Variants in C12orf76 observed in about 807,000 individuals in gnomAD.
The protein encoded by C12orf76 is uncharacterized protein C12orf76.
C12orf76 carries 6 observed loss-of-function variants against 6.8 expected under a neutral mutation model. That is an observed-to-expected ratio of 0.88 (90% CI 0.48 to 1.73). The LOEUF (loss-of-function observed/expected upper bound fraction) is 1.73. Among genes scored for constraint, C12orf76 ranks in the 40% most tolerant of loss-of-function variants. The probability of loss-of-function intolerance (pLI) is 0.01; values close to 1 mark genes in which losing one functional copy is unlikely to be tolerated. For missense variants in C12orf76, 99 were observed against 98.2 expected (o/e 1.01, Z -0.03); for synonymous variants, 56 against 43.7 (o/e 1.28, Z -1.11).
intron 2 of C12orf76, among the ~76,000 whole-genome samples, chr12:110,061,935 C>G (rs11837014): frequency 1.3e-5 from 2 of 152,078 alleles, no homozygotes; most frequent in African/African-American, 4.8e-5. Context: ...GGACAAGTGA[C>G]TTAACCTTTC....
At position 110,054,497 on chromosome 12, in the gene C12orf76, T is replaced by C. The variant is rs1403274164; in HGVS notation, n.664+2692A>G. On this transcript the variant is annotated intron_variant and non_coding_transcript_variant, in intron 4 of 4. Transcript: ENST00000309050. The surrounding 1 kb of genome is among the most constrained non-coding windows in gnomAD (Gnocchi z 4.4). ...CTCCATTTATATGAAATACCCAGAA[T>C]AGGTAAATCCATAGAGACAGAGAGT... Among the ~76,000 whole-genome samples the C allele has an allele frequency of 1.3e-5, 2 of 152,200 alleles. No individual in the cohort carries two copies. Among genetic ancestry groups the C allele is most frequent in the South Asian group, 2.1e-4 (1 of 4,820 alleles).
chr12:110,070,318 C>T (rs1348778350), upstream of C12orf76, among the ~76,000 whole-genome samples: 2 of 151,958 alleles, frequency 1.3e-5, no homozygotes, highest in Admixed American at 6.6e-5. Flanking sequence ...AATCCCAGCA[C>T]TTTGGGAGGC....
At chr12:110,058,311 T>A (rs530092653) in intron 3 of C12orf76, among the ~76,000 whole-genome samples, 2 of 152,152 alleles carry the variant, frequency 1.3e-5, no homozygotes, top group African/African-American at 4.8e-5. Context: ...TAAAGATAGA[T>A]CTATGATACA....
At chr12:110,063,246 TTTTAA>T (rs1288097765) in intron 2 of C12orf76, among the ~76,000 whole-genome samples, 5 of 152,002 alleles carry the variant, frequency 3.3e-5, no homozygotes, top group African/African-American at 1.2e-4. Context: ...AGCCCCCCTT[TTTTAA>T]TTTAATTTTT....
At chr12:110,058,719 A>G (rs1027288973) in intron 3 of C12orf76, among the ~76,000 whole-genome samples, 2 of 152,350 alleles carry the variant, frequency 1.3e-5, no homozygotes, top group African/African-American at 4.8e-5. Flanking sequence ...GGCCATAGCT[A>G]TAGAATACAG....
chr12:110,059,909 G>T (rs1892740808), intron 2 of C12orf76, among the ~76,000 whole-genome samples: 1 of 152,206 alleles, frequency 6.6e-6, no homozygotes. Flanking sequence ...TTCTCAGGAA[G>T]AAAAGTGACA....
chr12:110,061,549 T>TC (rs1892772136), intron 2 of C12orf76, among the ~76,000 whole-genome samples: 1 of 151,820 alleles, frequency 6.6e-6, no homozygotes. Flanking sequence ...TTTTTTTTTT[T>TC]TTCTTGAAAC....
At chr12:110,046,195 C>T (rs1195743026) in intron 1 of C12orf76, among the ~76,000 whole-genome samples, 7 of 151,882 alleles carry the variant, frequency 4.6e-5, no homozygotes, top group African/African-American at 1.5e-4. Context: ...TGGGAGGCCA[C>T]AGTGGGCAGT....
upstream of C12orf76, among the ~76,000 whole-genome samples, chr12:110,072,584 G>T (rs1892972037): frequency 6.6e-6 from 1 of 151,126 alleles, no homozygotes; most frequent in South Asian, 2.1e-4. Flanking sequence ...CCATTAAATT[G>T]TACCCTTAAA....
At chr12:110,064,514 C>T (rs1892826854) in intron 2 of C12orf76, among the ~76,000 whole-genome samples, 2 of 152,196 alleles carry the variant, frequency 1.3e-5, no homozygotes, top group South Asian at 4.1e-4. Flanking sequence ...CTCAGCAGCA[C>T]TCAGTAGCTG....
chr12:110,070,197 C>T (rs974346971), upstream of C12orf76, among the ~76,000 whole-genome samples: 1 of 149,712 alleles, frequency 6.7e-6, no homozygotes, highest in African/African-American at 2.5e-5. Flanking sequence ...AAGATCATGC[C>T]ATTGCACTCC....
chr12:110,061,580 A>G (rs1015840089), intron 2 of C12orf76, among the ~76,000 whole-genome samples: 6 of 148,872 alleles, frequency 4.0e-5, no homozygotes, highest in Non-Finnish European at 1.5e-5. Context: ...TCTGTCACCC[A>G]GGCTGGAGTG....
upstream of C12orf76, among the ~76,000 whole-genome samples, chr12:110,068,780 C>T (rs1420776634): frequency 6.6e-6 from 1 of 152,202 alleles, no homozygotes; most frequent in Non-Finnish European, 1.5e-5. Context: ...CTGGCCAAAA[C>T]CTGCCACTTG....
At chr12:110,059,810 CAT>C (rs1892739679) in intron 2 of C12orf76, among the ~76,000 whole-genome samples, 1 of 152,072 alleles carries the variant, frequency 6.6e-6, no homozygotes, top group South Asian at 2.1e-4. Context: ...AGAGGAGAGA[CAT>C]AGTAGCAGTG....
chr12:110,070,025 G>A (rs1052536452), upstream of C12orf76, among the ~76,000 whole-genome samples: 21 of 152,052 alleles, frequency 1.4e-4, no homozygotes, highest in African/African-American at 4.3e-4. Flanking sequence ...AAGATGGATG[G>A]ACTGCTTGAG....
intron 4 of C12orf76, among the ~76,000 whole-genome samples, chr12:110,056,030 G>A (rs1275375695): frequency 2.0e-5 from 3 of 149,858 alleles, no homozygotes; most frequent in Non-Finnish European, 2.9e-5. Context: ...CTGAGATTGC[G>A]CCATTGCACT....
chr12:110,065,977 C>G, exon 2 of C12orf76: 1 of 1,612,816 alleles, frequency 6.2e-7, no homozygotes, highest in Non-Finnish European at 8.5e-7. Flanking sequence ...TATGGGGTCA[C>G]CTCCAGAACT....
At chr12:110,059,644 C>G (rs1414993168) in intron 2 of C12orf76, among the ~76,000 whole-genome samples, 1 of 152,208 alleles carries the variant, frequency 6.6e-6, no homozygotes, top group Non-Finnish European at 1.5e-5. Flanking sequence ...AATGCTTGAA[C>G]CATTTCATGC....
At chr12:110,051,914 T>C (rs1357210891), upstream of C12orf76, among the ~76,000 whole-genome samples, 1 of 118,820 alleles carries the variant, frequency 8.4e-6, no homozygotes, top group African/African-American at 4.4e-5. Context: ...CTTTTTTTTT[T>C]TTTTTTTTTT....
Sources: gnomAD v4.1 joint callset for allele counts (sites outside exome capture counted in the v4.1 genomes callset) on GRCh38, gnomAD v4.1.1 for gene constraint, Gnocchi (gnomAD v3.1) non-coding constraint, MANE v1.5 for transcripts, NCBI Gene and HGNC (gene_info 2026-07-23, HGNC 2026-07-21) for gene names.